Variants in PCDH1 observed in about 807,000 individuals in gnomAD.
PCDH1 encodes protocadherin 1, also known as protocadherin-1.
PCDH1 carries 23 observed loss-of-function variants against 74.6 expected under a neutral mutation model. That is an observed-to-expected ratio of 0.31 (90% CI 0.22 to 0.44). The LOEUF is 0.44. Ranked by LOEUF, PCDH1 falls within the 20% of genes least tolerant of loss-of-function variation. The pLI is 1.00. For missense variants in PCDH1, 1,214 were observed against 1,641.4 expected (o/e 0.74, Z 4.50); for synonymous variants, 647 against 686.1 (o/e 0.94, Z 0.89).
At chr5:141,874,176 G>C (rs935519711) in intron 1 of PCDH1, among the ~76,000 whole-genome samples, 2 of 152,212 alleles carry the variant, frequency 1.3e-5, no homozygotes, top group Admixed American at 1.3e-4. Context: ...GAATGAACCA[G>C]CCCAGGCTTC....
At chr5:141,870,773 C>A (rs1437186272) in intron 1 of PCDH1, among the ~76,000 whole-genome samples, 2 of 152,184 alleles carry the variant, frequency 1.3e-5, no homozygotes, top group Admixed American at 6.5e-5. Flanking sequence ...AATGCCCCCT[C>A]CTCTCCAACA....
intron 3 of PCDH1, among the ~76,000 whole-genome samples, chr5:141,861,080 A>C (rs1157788705): frequency 7.5e-6 from 1 of 134,026 alleles, no homozygotes; most frequent in Admixed American, 9.2e-5. Flanking sequence ...GTGCCATTGC[A>C]CTCCAGCCTG....
chr5:141,865,103 C>T lies in PCDH1; in HGVS notation c.1228G>A (p.Glu410Lys). ...TGCACCAGGGCCACAGCTGTCTCCTCTGCCACATCCTCTGAGATGTTAGCC... is the reference window on the plus strand; with the variant it reads ...TGCACCAGGGCCACAGCTGTCTCCTTTGCCACATCCTCTGAGATGTTAGCC... ...GMANISEDVA[E>K]ETAVALVQVS... is the part of the protein sequence containing the mutation. The change falls in exon 3 of 5, where the codon GAG (glutamate) becomes AAG (lysine). Residue 410 changes from glutamate (E) to lysine (K), a missense_variant. By Grantham distance (56) the Glu-to-Lys change is moderately conservative. This residue lies in a region of PCDH1 where 836 missense variants were observed against 1,182.2 expected (regional missense o/e 0.71). Transcript: ENST00000287008. This position sits in a 1 kb window ranked among gnomAD's most constrained non-coding sequence, Gnocchi z 4.4. The T allele has an allele frequency of 6.2e-7, 1 of 1,614,224 alleles. No homozygotes were observed. Among genetic ancestry groups the T allele is most frequent in the Middle Eastern group, 1.6e-4 (1 of 6,062 alleles).
chr5:141,877,477 G>A (rs929882833), intron 1 of PCDH1, among the ~76,000 whole-genome samples: 5 of 152,184 alleles, frequency 3.3e-5, no homozygotes, highest in Admixed American at 2.0e-4. Flanking sequence ...GGGGTGGCTA[G>A]GTTTTGAGGG....
In PCDH1 at chr5:141,874,512, T is replaced by C. The variant is rs77272423; in HGVS notation, c.40+3711A>G. On this transcript the variant is annotated intron_variant, in intron 1 of 4. Coordinates refer to ENST00000287008, the MANE Select transcript of PCDH1 (RefSeq NM_032420.5). ...GGCGCAGGGACCCATGTCCCTCAGA[T>C]AGAGGAGCAGAAGTGCCGTCAGGGG... Among the ~76,000 whole-genome samples the C allele has an allele frequency of 4.2e-3, 638 of 152,028 alleles. 4 individuals carry two copies. Among genetic ancestry groups the C allele is most frequent in the African/African-American group, 0.015 (608 of 41,426 alleles).
intron 3 of PCDH1, among the ~76,000 whole-genome samples, chr5:141,861,892 G>A (rs769367042): frequency 1.3e-5 from 2 of 152,176 alleles, no homozygotes; most frequent in Non-Finnish European, 2.9e-5. Context: ...GCAACCCAGG[G>A]TGGCCAGAGC....
At chr5:141,861,760 T>TC (rs1188342797) in intron 3 of PCDH1, among the ~76,000 whole-genome samples, 1 of 151,822 alleles carries the variant, frequency 6.6e-6, no homozygotes, top group Non-Finnish European at 1.5e-5. Flanking sequence ...CCTCAGAGAC[T>TC]CCCCCAGGGC....
rs1449681173 is a variant in PCDH1 at position 141,863,005 on chromosome 5, G to C, written c.3099+227C>G. ...CACAGGTCTCTCCCCAGTGGGGAGA[G>C]GGCAGGGAGGAGACCACAGAGCACA... On this transcript the variant is annotated intron_variant, in intron 3 of 4. Transcript: ENST00000287008. This position sits in a 1 kb window ranked among gnomAD's most constrained non-coding sequence, Gnocchi z 7.5. 7.9e-7 allele frequency: 1 copy of C among 1,272,650 alleles called. No homozygotes were observed. The highest frequency in any genetic ancestry group is 2.9e-5 in the East Asian group (1 of 34,314). 78.8% of individuals were successfully genotyped at this position (1,272,650 alleles called of 1,614,324 possible). A position where few individuals can be genotyped will look rare whatever the true frequency, so the allele number is the denominator to read the frequency against.
At chr5:141,875,935 A>T (rs2126834475) in intron 1 of PCDH1, among the ~76,000 whole-genome samples, 1 of 152,064 alleles carries the variant, frequency 6.6e-6, no homozygotes, top group Admixed American at 6.5e-5. Context: ...TGTCATAAAA[A>T]CTTTCTGGGC....
At position 141,864,943 on chromosome 5, in the gene PCDH1, G is replaced by A. The variant is rs202081544; in HGVS notation, c.1388C>T (p.Pro463Leu). ...KKKYFLQTTT[P>L]LDYEKVKDYT... ...GTCTTTGACCTTCTCGTAGTCTAGCGGGGTGGTAGTCTGCAGGAAATACTT... is the reference window on the plus strand; with the variant it reads ...GTCTTTGACCTTCTCGTAGTCTAGCAGGGTGGTAGTCTGCAGGAAATACTT... Residue 463 changes from proline to leucine, a missense_variant, in exon 3 of 5, where the codon CCG (proline) becomes CTG (leucine). Around this residue, in one of 4 missense-constraint regions of PCDH1, gnomAD observed 836 missense variants for 1,182.2 expected, o/e 0.71. Transcript: ENST00000287008. The surrounding 1 kb of genome is among the most constrained non-coding windows in gnomAD (Gnocchi z 5.9). 46 of 1,613,960 alleles carry A rather than the reference G, an allele frequency of 2.9e-5. No homozygotes were observed. Among genetic ancestry groups the A allele is most frequent in the Middle Eastern group, 3.3e-4 (2 of 6,084 alleles).
At chr5:141,872,479 T>C (rs569141201) in intron 1 of PCDH1, among the ~76,000 whole-genome samples, 38 of 152,232 alleles carry the variant, frequency 2.5e-4, no homozygotes, top group Non-Finnish European at 3.5e-4. Flanking sequence ...TATAAAACCA[T>C]GGTACAGATT....
chr5:141,867,691 A>C (rs1752909035), intron 2 of PCDH1: 1 of 426,584 alleles, frequency 2.3e-6, no homozygotes, highest in African/African-American at 2.1e-5. Context: ...AGGGTTTTCC[A>C]GGATGGGTAA....
intron 1 of PCDH1, among the ~76,000 whole-genome samples, chr5:141,876,349 G>C (rs1397703588): frequency 6.6e-6 from 1 of 152,186 alleles, no homozygotes; most frequent in African/African-American, 2.4e-5. Flanking sequence ...TCGGCCTAGG[G>C]TCCCCCGCAA....
In PCDH1 at chr5:141,865,575, G is replaced by T. The variant is rs1561484217; in HGVS notation, c.904-148C>A. On this transcript the variant is annotated intron_variant, in intron 2 of 4. Transcript: ENST00000287008. The surrounding 1 kb of genome is among the most constrained non-coding windows in gnomAD (Gnocchi z 4.4). Reference sequence around the variant, plus strand: ...ATCGCTCCCTTTCCAGAAGCCATGTGTGTCCTGCCTTTTCCCAATTCGGAC... The same window carrying T: ...ATCGCTCCCTTTCCAGAAGCCATGTTTGTCCTGCCTTTTCCCAATTCGGAC... 4.3e-6 allele frequency: 4 copies of T among 937,312 alleles called. No individual in the cohort carries two copies. In the Admixed American group the frequency reaches 9.4e-5, roughly 22 times the overall value. 58.1% of individuals were successfully genotyped at this position (937,312 alleles called of 1,614,324 possible). A position where few individuals can be genotyped will look rare whatever the true frequency, so the allele number is the denominator to read the frequency against.
At chr5:141,857,720 C>T (rs1767808702) in intron 3 of PCDH1, among the ~76,000 whole-genome samples, 1 of 152,156 alleles carries the variant, frequency 6.6e-6, no homozygotes, top group African/African-American at 2.4e-5. Context: ...AGCGCAGGCC[C>T]CAGTGTTATT....
At chr5:141,872,481 G>A (rs1049023477) in intron 1 of PCDH1, among the ~76,000 whole-genome samples, 3 of 152,120 alleles carry the variant, frequency 2.0e-5, no homozygotes, top group Non-Finnish European at 4.4e-5. Context: ...TAAAACCATG[G>A]TACAGATTTT....
At chr5:141,856,107 C>T in intron 4 of PCDH1, 1 of 989,972 alleles carries the variant, frequency 1.0e-6, no homozygotes. Flanking sequence ...CTCTACAGCT[C>T]AGAGCAGAGT....
chr5:141,857,551 C>G, intron 3 of PCDH1, 80 bp from the exon 4 acceptor site: 1 of 1,203,200 alleles, frequency 8.3e-7, no homozygotes, highest in South Asian at 1.5e-5. Context: ...TAGTACAAGC[C>G]AAGCACCATC....
At chr5:141,867,997 C>T (rs1752924768) in intron 2 of PCDH1, among the ~76,000 whole-genome samples, 1 of 152,232 alleles carries the variant, frequency 6.6e-6, no homozygotes, top group South Asian at 2.1e-4. Context: ...CATCTATGGG[C>T]ACCCCATGCC....
Sources: gnomAD v4.1 joint callset for allele counts (sites outside exome capture counted in the v4.1 genomes callset) on GRCh38, gnomAD v4.1.1 for gene constraint, gnomAD v4.1.1 regional missense constraint, Gnocchi (gnomAD v3.1) non-coding constraint, MANE v1.5 for transcripts, NCBI Gene and HGNC (gene_info 2026-07-23, HGNC 2026-07-21) for gene names.